Variants in SCAI observed in about 807,000 individuals in gnomAD.
SCAI encodes protein SCAI.
A neutral mutation model predicts 92.2 loss-of-function variants in SCAI; 24 were observed. The ratio of observed to expected loss-of-function variants is 0.26; its 90% CI spans 0.19 to 0.37. The LOEUF is 0.37. Among genes scored for constraint, SCAI ranks in the 10% least tolerant of loss-of-function variants. The probability of loss-of-function intolerance (pLI) is 1.00; values close to 1 mark genes in which losing one functional copy is unlikely to be tolerated. For missense variants in SCAI, 450 were observed against 736.2 expected (o/e 0.61, Z 4.50); for synonymous variants, 261 against 258.6 (o/e 1.01, Z -0.09).
chr9:124,954,263 C>T (rs1262897297), intron 17 of SCAI, among the ~76,000 whole-genome samples: 1 of 152,200 alleles, frequency 6.6e-6, no homozygotes, highest in African/African-American at 2.4e-5. Context: ...AACAAACTGA[C>T]ATTTTTATAT....
chr9:125,140,429 G>A (rs2131278225), intron 2 of SCAI, among the ~76,000 whole-genome samples: 1 of 152,288 alleles, frequency 6.6e-6, no homozygotes, highest in East Asian at 1.9e-4. Flanking sequence ...TCGGGAGGCT[G>A]AGGAAAGAGA....
chr9:124,955,508 C>A (rs1831301811), intron 17 of SCAI, among the ~76,000 whole-genome samples: 2 of 151,800 alleles, frequency 1.3e-5, no homozygotes, highest in Admixed American at 1.3e-4. Flanking sequence ...GTAATCCCAG[C>A]TACTTGGGAG....
intron 2 of SCAI, among the ~76,000 whole-genome samples, chr9:125,125,389 G>A (rs909992474): frequency 2.6e-5 from 4 of 151,974 alleles, no homozygotes; most frequent in African/African-American, 4.8e-5. Context: ...TTAGCCAGGT[G>A]TAGTGGCACA....
At chr9:124,992,317 T>G (rs1430004316) in intron 14 of SCAI, among the ~76,000 whole-genome samples, 1 of 152,114 alleles carries the variant, frequency 6.6e-6, no homozygotes, top group Non-Finnish European at 1.5e-5. Context: ...TATTAATTTC[T>G]AAAAAGACTA....
At chr9:124,975,286 T>C in intron 15 of SCAI, 1 of 455,804 alleles carries the variant, frequency 2.2e-6, no homozygotes, top group Non-Finnish European at 4.4e-6. Flanking sequence ...CTCTCAGGCA[T>C]TCAAATGCTG....
intron 14 of SCAI, among the ~76,000 whole-genome samples, chr9:124,990,188 A>G (rs1191070617): frequency 1.3e-5 from 2 of 152,000 alleles, no homozygotes; most frequent in African/African-American, 2.4e-5. Flanking sequence ...AAAGAAAAAA[A>G]AAGAAATACT....
In SCAI at chr9:125,053,266, G is replaced by C. The variant is rs568513305; in HGVS notation, c.230+2610C>G. 3.4e-3 allele frequency among the ~76,000 whole-genome samples: 519 copies of C among 152,186 alleles called. 3 individuals are homozygous for C. Among genetic ancestry groups the C allele is most frequent in the Non-Finnish European group, 5.7e-3 (389 of 68,008 alleles). ...GGAAAATTGCTTGAACCCAGGAGGC[G>C]GAGGTTGCAGTAAGCCAAAATCGTG... On this transcript the variant is annotated intron_variant, in intron 3 of 17. Transcript: ENST00000336505.
At chr9:124,998,090 C>CCACT (rs1329573962) in intron 13 of SCAI, among the ~76,000 whole-genome samples, 1 of 152,084 alleles carries the variant, frequency 6.6e-6, no homozygotes, top group African/African-American at 2.4e-5. Flanking sequence ...TAGGCATGAG[C>CCACT]CACTGCTCCT....
rs374352945 is a variant in SCAI at position 125,080,384 on chromosome 9, G to A, written c.99-24377C>T. 1.1e-4 allele frequency among the ~76,000 whole-genome samples: 17 copies of A among 152,216 alleles called. 1 individual carries two copies. In the South Asian group the frequency reaches 2.9e-3, roughly 26 times the overall value. ...TTGTGAAATAGGGTTGTCTGATCCCGAGTTATCCCAGTATTTCAAATCCCA... is the reference window on the plus strand; with the variant it reads ...TTGTGAAATAGGGTTGTCTGATCCCAAGTTATCCCAGTATTTCAAATCCCA... On this transcript the variant is annotated intron_variant, in intron 2 of 17. Coordinates refer to ENST00000336505, the MANE Select transcript of SCAI (RefSeq NM_001144877.3).
intron 2 of SCAI, among the ~76,000 whole-genome samples, chr9:125,118,621 G>C (rs1430922215): frequency 6.6e-6 from 1 of 152,140 alleles, no homozygotes; most frequent in Non-Finnish European, 1.5e-5. Flanking sequence ...TTGGTGGTTT[G>C]CTGCACCTAT....
At chr9:125,095,179 C>T (rs1834521186) in intron 2 of SCAI, among the ~76,000 whole-genome samples, 1 of 152,142 alleles carries the variant, frequency 6.6e-6, no homozygotes, top group South Asian at 2.1e-4. Context: ...ATAAATGGTC[C>T]AGCCATTTCT....
intron 2 of SCAI, among the ~76,000 whole-genome samples, chr9:125,080,061 C>T (rs1329662793): frequency 2.0e-5 from 3 of 151,934 alleles, no homozygotes; most frequent in Non-Finnish European, 4.4e-5. Context: ...AAAAAGAAAA[C>T]GGCCCTCAGT....
chr9:125,011,964 C>G (rs1314643565), intron 9 of SCAI, among the ~76,000 whole-genome samples: 1 of 152,200 alleles, frequency 6.6e-6, no homozygotes, highest in African/African-American at 2.4e-5. Flanking sequence ...TAAAATACTT[C>G]ACAGACAAGC....
At chr9:125,110,128 C>T (rs1039727470) in intron 2 of SCAI, among the ~76,000 whole-genome samples, 9 of 152,108 alleles carry the variant, frequency 5.9e-5, no homozygotes, top group Non-Finnish European at 8.8e-5. Context: ...TTTAAACATA[C>T]GTATTATGTT....
At position 124,942,651 on chromosome 9, in the gene SCAI, T is replaced by C. The variant is rs1324562089; in HGVS notation, c.*10156A>G. 6.6e-6 allele frequency: 1 copy of C among 151,734 alleles called. No individual in the cohort carries two copies. Among genetic ancestry groups the C allele is most frequent in the African/African-American group, 2.4e-5 (1 of 40,982 alleles). 9.4% of individuals were successfully genotyped at this position (151,734 alleles called of 1,614,324 possible). A position where few individuals can be genotyped will look rare whatever the true frequency, so the allele number is the denominator to read the frequency against. On this transcript the variant is annotated 3_prime_UTR_variant, in exon 18 of 18. Transcript: ENST00000336505. ...ATTTTTATATTGATGATACACTTAA[T>C]ATATATGTGGATTCAAGGTACAAAA...
intron 17 of SCAI, among the ~76,000 whole-genome samples, chr9:124,970,152 A>G (rs1374937760): frequency 1.3e-5 from 2 of 152,084 alleles, no homozygotes; most frequent in Non-Finnish European, 2.9e-5. Flanking sequence ...GCGCCTGGCC[A>G]GTATCATTTA....
intron 2 of SCAI, among the ~76,000 whole-genome samples, chr9:125,089,134 A>C (rs937786486): frequency 6.6e-6 from 1 of 152,222 alleles, no homozygotes; most frequent in Non-Finnish European, 1.5e-5. Context: ...ATATCTAATA[A>C]TGATTTTCAG....
At chr9:125,021,534 AACTT>A (rs1294225410) in intron 6 of SCAI, among the ~76,000 whole-genome samples, 3 of 152,170 alleles carry the variant, frequency 2.0e-5, no homozygotes, top group Non-Finnish European at 4.4e-5. Flanking sequence ...TGCATCCTTT[AACTT>A]ATCAAATGCC....
chr9:125,022,767 T>C (rs1253350698), intron 6 of SCAI, among the ~76,000 whole-genome samples: 1 of 152,172 alleles, frequency 6.6e-6, no homozygotes, highest in African/African-American at 2.4e-5. Context: ...CTAAGAGGCA[T>C]ACTGATAATC....
Sources: gnomAD v4.1 joint callset for allele counts (sites outside exome capture counted in the v4.1 genomes callset) on GRCh38, gnomAD v4.1.1 for gene constraint, MANE v1.5 for transcripts, NCBI Gene and HGNC (gene_info 2026-07-23, HGNC 2026-07-21) for gene names.